ACTR3: variants seen among roughly 807,000 people sequenced by gnomAD.
The protein encoded by ACTR3 is actin-related protein 3.
Under a neutral mutation model 56.8 loss-of-function variants are expected in ACTR3, and 12 were observed. The observed-to-expected ratio is 0.21, with a 90% CI of 0.14 to 0.34. ACTR3 has a LOEUF of 0.34. Among genes scored for constraint, ACTR3 ranks in the 10% least tolerant of loss-of-function variants. The pLI is 1.00. For missense variants in ACTR3, 282 were observed against 512.5 expected (o/e 0.55, Z 4.34); for synonymous variants, 162 against 167.4 (o/e 0.97, Z 0.25).
chr2:113,942,308 C>A lies in ACTR3; in HGVS notation c.807C>A (p.Ile269=). The A allele has an allele frequency of 6.3e-7, 1 of 1,598,894 alleles. No individual in the cohort carries two copies. The change falls in exon 8 of 12, where the codon ATC becomes ATA. Residue 269 remains isoleucine (I), a synonymous_variant. Transcript: ENST00000263238. Reference sequence around the variant, plus strand: ...CTATCTCAAAGAAAGAGTTTTCTATCGATGTTGGTTATGAGAGATTTTTGG... The same window carrying A: ...CTATCTCAAAGAAAGAGTTTTCTATAGATGTTGGTTATGAGAGATTTTTGG... ...INAISKKEFS[I]DVGYERFLGP...
At chr2:113,945,942 G>C (rs969223532) in intron 8 of ACTR3, among the ~76,000 whole-genome samples, 3 of 152,144 alleles carry the variant, frequency 2.0e-5, no homozygotes, top group African/African-American at 7.2e-5. Flanking sequence ...ATGGCCCCCA[G>C]CTCCATGCAT....
At chr2:113,912,331 G>GT (rs2104592571) in intron 1 of ACTR3, among the ~76,000 whole-genome samples, 1 of 152,214 alleles carries the variant, frequency 6.6e-6, no homozygotes, top group Non-Finnish European at 1.5e-5. Context: ...CCTGCTTATA[G>GT]TTAATAGCTT....
chr2:113,901,209 T>C (rs1395929055), intron 1 of ACTR3, among the ~76,000 whole-genome samples: 1 of 152,172 alleles, frequency 6.6e-6, no homozygotes, highest in Non-Finnish European at 1.5e-5. Context: ...TCCCAGCTAC[T>C]TGGGAGGCTG....
Position 113,916,868 on chromosome 2 carries a change from C to T in ACTR3, c.101-16C>T, listed in dbSNP as rs530311858. 5.6e-5 allele frequency: 88 copies of T among 1,581,196 alleles called. 3 individuals carry two copies. The South Asian group carries it at 9.2e-4, about 17-fold the overall frequency. Reference sequence around the variant, plus strand: ...GAGGAAAATGAATTCTTTGACATGTCTAACTTATTTTAAAGGTATTGCTAT... The same window carrying T: ...GAGGAAAATGAATTCTTTGACATGTTTAACTTATTTTAAAGGTATTGCTAT... On this transcript the variant is annotated splice_polypyrimidine_tract_variant and intron_variant, in intron 2 of 11. Coordinates refer to ENST00000263238, the MANE Select transcript of ACTR3 (RefSeq NM_005721.5).
chr2:113,895,018 A>G (rs2104578245), intron 1 of ACTR3, among the ~76,000 whole-genome samples: 1 of 151,954 alleles, frequency 6.6e-6, no homozygotes. Context: ...GATTCACCTA[A>G]TTAGAGAAAA....
At chr2:113,916,571 T>A (rs1679408856) in intron 2 of ACTR3, among the ~76,000 whole-genome samples, 1 of 152,130 alleles carries the variant, frequency 6.6e-6, no homozygotes, top group Non-Finnish European at 1.5e-5. Flanking sequence ...GTGGATTTGG[T>A]GGGATTACAG....
intron 3 of ACTR3, among the ~76,000 whole-genome samples, chr2:113,917,748 A>C (rs1365843144): frequency 1.3e-5 from 2 of 152,208 alleles, no homozygotes; most frequent in African/African-American, 2.4e-5. Flanking sequence ...ATCGTGAGTA[A>C]AATGGTGTAT....
At chr2:113,936,100 A>G (rs968414022) in intron 6 of ACTR3, among the ~76,000 whole-genome samples, 1 of 152,050 alleles carries the variant, frequency 6.6e-6, no homozygotes, top group Non-Finnish European at 1.5e-5. Flanking sequence ...CAAGACCAAC[A>G]GGGCAACATG....
At chr2:113,907,788 C>T (rs1218000686) in intron 1 of ACTR3, among the ~76,000 whole-genome samples, 2 of 151,896 alleles carry the variant, frequency 1.3e-5, no homozygotes, top group African/African-American at 4.8e-5. Flanking sequence ...GCCTGACCAA[C>T]ATGGAGAAAC....
At chr2:113,942,413 A>G (rs1270751925) in intron 8 of ACTR3, 54 bp downstream of exon 8, 3 of 1,230,424 alleles carry the variant, frequency 2.4e-6, no homozygotes, top group Non-Finnish European at 2.2e-6. Flanking sequence ...ATATGAATTA[A>G]TAGATATTCA....
chr2:113,921,885 T>C (rs1272828691), intron 3 of ACTR3, among the ~76,000 whole-genome samples: 1 of 152,072 alleles, frequency 6.6e-6, no homozygotes, highest in Admixed American at 6.6e-5. Context: ...GGGGAACATA[T>C]CACAGGGGAA....
chr2:113,919,380 CT>C, intron 3 of ACTR3, among the ~76,000 whole-genome samples: 1 of 151,938 alleles, frequency 6.6e-6, no homozygotes, highest in African/African-American at 2.4e-5. Flanking sequence ...TGTTTCTTTT[CT>C]TTTTTGTTCT....
At chr2:113,929,545 G>T (rs567214994) in intron 4 of ACTR3, among the ~76,000 whole-genome samples, 1 of 152,160 alleles carries the variant, frequency 6.6e-6, no homozygotes, top group South Asian at 2.1e-4. Flanking sequence ...GAATTGCAGC[G>T]TCATAGGGTA....
At chr2:113,913,520 A>G (rs1679346417) in intron 2 of ACTR3, among the ~76,000 whole-genome samples, 1 of 152,218 alleles carries the variant, frequency 6.6e-6, no homozygotes, top group African/African-American at 2.4e-5. Context: ...AGTTAACAGT[A>G]TGGGGGTATA....
At chr2:113,937,820 A>G (rs6710288) in intron 6 of ACTR3, among the ~76,000 whole-genome samples, 11,182 of 152,180 alleles carry the variant, frequency 0.073, 460 homozygotes, top group African/African-American at 0.1. Context: ...GTACCTAAGT[A>G]AAGTTTTCTT....
At chr2:113,952,903 A>G (rs1020083613) in intron 10 of ACTR3, 6 of 152,088 alleles carry the variant, frequency 3.9e-5, no homozygotes, top group Admixed American at 3.3e-4. Flanking sequence ...CCTTACCCAC[A>G]TATCTATCTA....
At chr2:113,902,836 G>A (rs1679126649) in intron 1 of ACTR3, among the ~76,000 whole-genome samples, 1 of 152,180 alleles carries the variant, frequency 6.6e-6, no homozygotes. Context: ...CTGACCTCAG[G>A]TGATCGCCCG....
intron 1 of ACTR3, among the ~76,000 whole-genome samples, chr2:113,907,231 G>A (rs1679211712): frequency 6.6e-6 from 1 of 152,142 alleles, no homozygotes. Flanking sequence ...AGGGGAGAAG[G>A]TGCTTTTATG....
intron 7 of ACTR3, 172 bp downstream of exon 7, chr2:113,940,274 A>G (rs1679900534): frequency 6.3e-6 from 3 of 478,150 alleles, no homozygotes; most frequent in Non-Finnish European, 1.0e-5. Context: ...AAAGAAAATT[A>G]TTACAGCAGT....
Sources: gnomAD v4.1 joint callset for allele counts (sites outside exome capture counted in the v4.1 genomes callset) on GRCh38, gnomAD v4.1.1 for gene constraint, MANE v1.5 for transcripts, NCBI Gene and HGNC (gene_info 2026-07-23, HGNC 2026-07-21) for gene names.